The following FAM135B variants were observed in gnomAD, a reference collection of about 807,000 sequenced individuals.
FAM135B encodes family with sequence similarity 135 member B, also known as protein FAM135B.
FAM135B carries 43 observed loss-of-function variants against 127.7 expected under a neutral mutation model. That is an observed-to-expected ratio of 0.34 (90% CI 0.26 to 0.43). The LOEUF is 0.43. Among genes scored for constraint, FAM135B ranks in the 20% least tolerant of loss-of-function variants. FAM135B has a pLI of 1.00. For missense variants in FAM135B, 1,558 were observed against 1,725.6 expected (o/e 0.90, Z 1.72); for synonymous variants, 670 against 665.1 (o/e 1.01, Z -0.11).
intron 1 of FAM135B, among the ~76,000 whole-genome samples, chr8:138,448,676 A>T (rs1289219070): frequency 1.3e-5 from 2 of 152,044 alleles, no homozygotes; most frequent in African/African-American, 4.8e-5. Context: ...ACATGAGCCA[A>T]TCCCTGATCT....
At chr8:138,248,622 C>A (rs567451623) in intron 6 of FAM135B, among the ~76,000 whole-genome samples, 1 of 151,864 alleles carries the variant, frequency 6.6e-6, no homozygotes, top group Non-Finnish European at 1.5e-5. Context: ...GAATTTGAGA[C>A]CAGTATGAGC....
intron 11 of FAM135B, among the ~76,000 whole-genome samples, chr8:138,171,757 C>T (rs1672215148): frequency 6.6e-6 from 1 of 152,122 alleles, no homozygotes. Context: ...GGGCCACAGC[C>T]TCATCTGTGT....
intron 12 of FAM135B, among the ~76,000 whole-genome samples, chr8:138,154,471 A>G (rs1818502913): frequency 1.3e-5 from 2 of 152,198 alleles, no homozygotes; most frequent in Admixed American, 1.3e-4. Flanking sequence ...TACGCTTCAG[A>G]TGATCGGTAA....
In FAM135B at chr8:138,426,132, G is replaced by GTA. The variant is rs1405262202; in HGVS notation, c.-19-58131_-19-58130insTA. On this transcript the variant is annotated intron_variant, in intron 1 of 19. Coordinates refer to ENST00000395297, the MANE Select transcript of FAM135B (RefSeq NM_015912.4). ...TATATACACATATGTGTGTGTGTGT[G>GTA]TGTGTGTATATATATATATAATGCT... Among the ~76,000 whole-genome samples the GTA allele has an allele frequency of 2.2e-3, 285 of 131,108 alleles. 1 individual carries two copies. Among genetic ancestry groups the GTA allele is most frequent in the African/African-American group, 8.6e-3 (268 of 31,108 alleles). The allele number at this position is 131,108 out of a possible 152,430, so 86.0% of individuals were successfully genotyped here. A position where few individuals can be genotyped will look rare whatever the true frequency, so the allele number is the denominator to read the frequency against.
chr8:138,301,497 T>C (rs546433270), intron 3 of FAM135B, among the ~76,000 whole-genome samples: 1 of 152,172 alleles, frequency 6.6e-6, no homozygotes, highest in Non-Finnish European at 1.5e-5. Flanking sequence ...TTCTTTTTTT[T>C]CCTAACGGCA....
At chr8:138,206,484 CA>C (rs1817636344) in intron 7 of FAM135B, among the ~76,000 whole-genome samples, 1 of 45,380 alleles carries the variant, frequency 2.2e-5, no homozygotes, top group African/African-American at 7.2e-5. Flanking sequence ...CACCTACACA[CA>C]GCTCTATCAT....
intron 1 of FAM135B, among the ~76,000 whole-genome samples, chr8:138,384,920 T>A (rs1174793061): frequency 3.3e-5 from 5 of 152,140 alleles, no homozygotes; most frequent in African/African-American, 1.2e-4. Flanking sequence ...TAGAAGTACC[T>A]CCAATCATGT....
intron 19 of FAM135B, 52 bp downstream of exon 19, chr8:138,137,095 C>T (rs375406846): frequency 5.3e-6 from 5 of 938,204 alleles, no homozygotes; most frequent in Non-Finnish European, 8.9e-6. Context: ...CATGAATTTA[C>T]TTTTGCTTTT....
intron 7 of FAM135B, among the ~76,000 whole-genome samples, chr8:138,226,184 T>TGTGTGTGCGCGCGCGCGCGC: frequency 6.5e-5 from 9 of 139,290 alleles, no homozygotes; most frequent in African/African-American, 1.9e-4. Flanking sequence ...TGTGTGTGTG[T>TGTGTGTGCGCGCGCGCGCGC]GCGCGCATGT....
chr8:138,294,917 C>T (rs1825367044), intron 3 of FAM135B, among the ~76,000 whole-genome samples: 1 of 152,082 alleles, frequency 6.6e-6, no homozygotes, highest in African/African-American at 2.4e-5. Flanking sequence ...ATTCCTTTGG[C>T]CCTGAAACTC....
chr8:138,480,804 T>C (rs1483094532), intron 1 of FAM135B, among the ~76,000 whole-genome samples: 1 of 152,186 alleles, frequency 6.6e-6, no homozygotes, highest in Non-Finnish European at 1.5e-5. Flanking sequence ...TGAAACAGCT[T>C]TGGAATCAGA....
chr8:138,325,317 T>C (rs1196137339), intron 2 of FAM135B, among the ~76,000 whole-genome samples: 1 of 152,188 alleles, frequency 6.6e-6, no homozygotes, highest in African/African-American at 2.4e-5. Flanking sequence ...CATTGGTATC[T>C]TGAAATTGGC....
chr8:138,136,015 T>C (rs2130525841), intron 19 of FAM135B, among the ~76,000 whole-genome samples: 1 of 152,172 alleles, frequency 6.6e-6, no homozygotes, highest in South Asian at 2.1e-4. Context: ...ATTATGTAAA[T>C]GAGTTTGACT....
rs540509558 is a variant in FAM135B at position 138,137,501 on chromosome 8, G to T, written c.3902-241C>A. 4.6e-5 allele frequency among the ~76,000 whole-genome samples: 7 copies of T among 152,274 alleles called. No homozygotes were observed. The East Asian group carries it at 1.4e-3, about 29-fold the overall frequency. On this transcript the variant is annotated intron_variant, in intron 18 of 19. Transcript: ENST00000395297. ...AAAGAAGTCACTAAGCAGGGGCTTT[G>T]CGTTTGTGAGGGGAGATGAAGCCTG...
chr8:138,311,159 T>C (rs2130895859), intron 2 of FAM135B, among the ~76,000 whole-genome samples: 1 of 152,234 alleles, frequency 6.6e-6, no homozygotes, highest in Non-Finnish European at 1.5e-5. Flanking sequence ...CTGAACAAGG[T>C]TGGAGGTGAT....
At chr8:138,394,306 C>T (rs952846322) in intron 1 of FAM135B, among the ~76,000 whole-genome samples, 1 of 152,134 alleles carries the variant, frequency 6.6e-6, no homozygotes, top group Non-Finnish European at 1.5e-5. Flanking sequence ...CAGTATTTAT[C>T]AAGTTTACAT....
At chr8:138,164,686 G>A (rs967908949) in intron 12 of FAM135B, among the ~76,000 whole-genome samples, 7 of 152,196 alleles carry the variant, frequency 4.6e-5, no homozygotes, top group South Asian at 4.2e-4. Context: ...GAATTGTCCC[G>A]TCTTTCCACA....
intron 1 of FAM135B, among the ~76,000 whole-genome samples, chr8:138,443,393 A>G (rs1835923280): frequency 6.6e-6 from 1 of 152,164 alleles, no homozygotes; most frequent in South Asian, 2.1e-4. Flanking sequence ...AACTCTTGAA[A>G]TCAGTATTAT....
chr8:138,344,382 T>C (rs12546040), intron 2 of FAM135B, among the ~76,000 whole-genome samples: 82,255 of 151,804 alleles, frequency 0.54, 23,537 homozygotes, highest in Non-Finnish European at 0.65. Flanking sequence ...CATGGTGGCC[T>C]CACTTCATTT....
Sources: allele counts gnomAD v4.1 joint callset (sites outside exome capture counted in the v4.1 genomes callset), GRCh38; gene constraint gnomAD v4.1.1; transcripts MANE v1.5; gene names NCBI Gene and HGNC (gene_info 2026-07-23, HGNC 2026-07-21).